Variants in CTNNA3 observed in about 807,000 individuals in gnomAD.
CTNNA3 encodes catenin alpha-3.
A neutral mutation model predicts 95.7 loss-of-function variants in CTNNA3; 76 were observed. The observed-to-expected ratio is 0.79, with a 90% confidence interval of 0.66 to 0.96. The LOEUF is 0.96. CTNNA3 is among the 40% of genes least tolerant of loss of function. CTNNA3 has a pLI of 0.00. For synonymous variants in CTNNA3, 431 were observed against 374.4 expected, an observed-to-expected ratio of 1.15 and a Z score of -1.74; for missense variants, 1,191 against 1,089.8, an observed-to-expected ratio of 1.09 and a Z score of -1.31.
chr10:67,728,378 G>C (rs955815518), intron 1 of CTNNA3, among the ~76,000 whole-genome samples: 1 of 148,990 alleles, frequency 6.7e-6, no homozygotes, highest in Admixed American at 6.7e-5. Flanking sequence ...GCTTGAACCT[G>C]GGAGGTGGAG....
chr10:67,183,876 G>A (rs1051200657), intron 6 of CTNNA3, among the ~76,000 whole-genome samples: 1 of 151,996 alleles, frequency 6.6e-6, no homozygotes, highest in African/African-American at 2.4e-5. Context: ...TGAAGGTTCT[G>A]GGAATTCAAC....
chr10:67,287,888 A>G (rs867890962), intron 5 of CTNNA3, among the ~76,000 whole-genome samples: 7 of 152,368 alleles, frequency 4.6e-5, no homozygotes, highest in Middle Eastern at 3.4e-3. Flanking sequence ...GTCAGTAAAA[A>G]GAACAACTTT....
intron 13 of CTNNA3, among the ~76,000 whole-genome samples, chr10:66,225,239 G>A (rs1177304112): frequency 1.3e-5 from 2 of 151,334 alleles, no homozygotes; most frequent in South Asian, 2.1e-4. Flanking sequence ...CAGTTTTCAC[G>A]GTTTACTTCT....
chr10:66,834,132 C>A (rs1423711396), intron 7 of CTNNA3, among the ~76,000 whole-genome samples: 4 of 152,132 alleles, frequency 2.6e-5, no homozygotes, highest in Non-Finnish European at 4.4e-5. Flanking sequence ...TGCAGCCAAT[C>A]CCCCACTTTT....
chr10:66,982,124 C>T (rs984248886), intron 7 of CTNNA3, among the ~76,000 whole-genome samples: 1 of 152,130 alleles, frequency 6.6e-6, no homozygotes, highest in African/African-American at 2.4e-5. Flanking sequence ...CTAGCATAGA[C>T]CAAGATCTTA....
intron 14 of CTNNA3, among the ~76,000 whole-genome samples, chr10:66,102,566 T>G (rs1294556967): frequency 6.6e-6 from 1 of 152,170 alleles, no homozygotes; most frequent in Non-Finnish European, 1.5e-5. Context: ...GGTCTGTAGT[T>G]GCAAGCGATA....
chr10:67,397,748 G>GC (rs943450590), intron 5 of CTNNA3, among the ~76,000 whole-genome samples: 14 of 152,234 alleles, frequency 9.2e-5, no homozygotes, highest in African/African-American at 3.4e-4. Context: ...AGAGCCCAGG[G>GC]CCCCCCTGCT....
At chr10:66,184,274 G>C (rs2086210451) in intron 13 of CTNNA3, among the ~76,000 whole-genome samples, 2 of 152,086 alleles carry the variant, frequency 1.3e-5, no homozygotes, top group South Asian at 2.1e-4. Flanking sequence ...TCTCCAGCTT[G>C]GGTGGCAGAG....
intron 12 of CTNNA3, among the ~76,000 whole-genome samples, chr10:66,297,881 A>T (rs1369241306): frequency 6.6e-6 from 1 of 152,198 alleles, no homozygotes; most frequent in African/African-American, 2.4e-5. Context: ...GGATGGAGCC[A>T]TGGGGTAAGT....
At chr10:67,323,258 T>C (rs1319959268) in intron 5 of CTNNA3, among the ~76,000 whole-genome samples, 7 of 152,316 alleles carry the variant, frequency 4.6e-5, no homozygotes, top group African/African-American at 7.2e-5. Flanking sequence ...TTTGTTGCAA[T>C]TGCTTTTGGT....
chr10:66,254,914 A>G lies in CTNNA3; in HGVS notation c.1884+25556T>C, dbSNP rs987059035. On this transcript the variant is annotated intron_variant, in intron 13 of 17. Coordinates refer to ENST00000433211, the MANE Select transcript of CTNNA3 (RefSeq NM_013266.4). ...GAACCAGCTTAAGTACTCTTTGGCAATTGAGGGTTTCTGGCTGAGTGCACT... is the reference window on the plus strand; with the variant it reads ...GAACCAGCTTAAGTACTCTTTGGCAGTTGAGGGTTTCTGGCTGAGTGCACT... Among the ~76,000 whole-genome samples, 3 of 152,144 alleles carry G rather than the reference A, an allele frequency of 2.0e-5. No homozygotes were observed. In the South Asian group the frequency reaches 6.2e-4, roughly 31 times the overall value.
chr10:66,975,069 G>A (rs1046038511), intron 7 of CTNNA3, among the ~76,000 whole-genome samples: 43 of 152,056 alleles, frequency 2.8e-4, no homozygotes, highest in Admixed American at 2.2e-3. Context: ...ATTAAGACTC[G>A]CCATTTTGTA....
At chr10:66,800,462 C>T (rs948801366) in intron 7 of CTNNA3, among the ~76,000 whole-genome samples, 1 of 150,450 alleles carries the variant, frequency 6.6e-6, no homozygotes, top group Non-Finnish European at 1.5e-5. Context: ...TTGAAAAATT[C>T]AATAACACTT....
intron 1 of CTNNA3, among the ~76,000 whole-genome samples, chr10:67,674,361 A>T (rs1482343680): frequency 6.6e-6 from 1 of 152,094 alleles, no homozygotes; most frequent in Non-Finnish European, 1.5e-5. Context: ...CAAACCTGCC[A>T]ACACCTTGAT....
At position 67,519,649 on chromosome 10, in the gene CTNNA3, C is replaced by A. The variant is rs186477999; in HGVS notation, c.579+2193G>T. On this transcript the variant is annotated intron_variant, in intron 5 of 17. Transcript: ENST00000433211. ...GTTAGGAGCACTGGAGAGGATACAG[C>A]ATTAAAGGTGACAGACGAGGCCCTG... 2.2e-3 allele frequency among the ~76,000 whole-genome samples: 336 copies of A among 152,270 alleles called. 2 individuals carry two copies. The highest frequency in any genetic ancestry group is 7.7e-3 in the African/African-American group (320 of 41,568).
At chr10:66,852,606 A>G (rs1843536880) in intron 7 of CTNNA3, among the ~76,000 whole-genome samples, 1 of 152,142 alleles carries the variant, frequency 6.6e-6, no homozygotes, top group Admixed American at 6.6e-5. Flanking sequence ...TAAGCTAAAC[A>G]CTGGGGAGAC....
At chr10:67,607,179 C>A (rs1029798447) in intron 2 of CTNNA3, 130 bp from the exon 3 acceptor site, 1 of 640,406 alleles carries the variant, frequency 1.6e-6, no homozygotes, top group Admixed American at 3.1e-5. Flanking sequence ...GGGCGCCAAC[C>A]CACCGTGCAG....
chr10:66,539,688 G>C (rs1303167447), intron 10 of CTNNA3, among the ~76,000 whole-genome samples: 1 of 152,114 alleles, frequency 6.6e-6, no homozygotes, highest in Non-Finnish European at 1.5e-5. Context: ...TCATTTGGAA[G>C]AGGGTGTGGC....
intron 7 of CTNNA3, among the ~76,000 whole-genome samples, chr10:66,855,233 A>G (rs748107522): frequency 5.5e-4 from 83 of 151,946 alleles, no homozygotes; most frequent in Non-Finnish European, 1.6e-4. Flanking sequence ...GCCCATTAAA[A>G]TTATCTAGCG....
Sources: gnomAD v4.1 joint callset for allele counts (sites outside exome capture counted in the v4.1 genomes callset) on GRCh38, gnomAD v4.1.1 for gene constraint, MANE v1.5 for transcripts, NCBI Gene and HGNC (gene_info 2026-07-23, HGNC 2026-07-21) for gene names.